TBCD: variants seen among roughly 807,000 people sequenced by gnomAD.
TBCD encodes the protein tubulin folding cofactor D.
TBCD carries 105 observed loss-of-function variants against 169.3 expected under a neutral mutation model. That is an observed-to-expected ratio of 0.62 (90% CI 0.53 to 0.73). TBCD has a LOEUF of 0.73. TBCD is among the 30% of genes least tolerant of loss of function. The pLI, the probability that TBCD is intolerant of heterozygous loss-of-function variation, is 0.00. For missense variants in TBCD, 1,444 were observed against 1,600.1 expected, an observed-to-expected ratio of 0.90 and a Z score of 1.66; for synonymous variants, 700 against 643.9, an observed-to-expected ratio of 1.09 and a Z score of -1.32.
At chr17:82,911,638 C>A in intron 22 of TBCD, 120 bp from the exon 23 acceptor site, 1 of 985,390 alleles carries the variant, frequency 1.0e-6, no homozygotes, top group Non-Finnish European at 1.6e-6. Context: ...CTCAGTAACA[C>A]ATTCAACTAG....
rs2051290109 is a variant in TBCD at position 82,809,756 on chromosome 17, G to A, written c.1197G>A (p.Val399=). ...TTCCCAGAGCCCTGGCGGATGATGT[G>A]GTCGGGTCTGTGCTGGACTGCTTCA... ...GRLPRALADD[V]VGSVLDCFSF... Residue 399 remains valine, a synonymous_variant, in exon 12 of 39, where the codon GTG becomes GTA. Coordinates refer to ENST00000355528, the MANE Select transcript of TBCD (RefSeq NM_005993.5). 6.2e-7 allele frequency: 1 copy of A among 1,613,626 alleles called. No individual in the cohort carries two copies. The highest frequency in any genetic ancestry group is 1.3e-5 in the African/African-American group (1 of 75,030).
chr17:82,799,192 C>T (rs891425056), intron 8 of TBCD, among the ~76,000 whole-genome samples: 7 of 152,132 alleles, frequency 4.6e-5, no homozygotes, highest in Non-Finnish European at 1.0e-4. Context: ...CGCCTGTAAT[C>T]CCAGCGCTTT....
In TBCD at chr17:82,937,373, T is replaced by C; in HGVS notation, c.3281+13T>C. On this transcript the variant is annotated intron_variant, in intron 35 of 38. Coordinates refer to ENST00000355528, the MANE Select transcript of TBCD (RefSeq NM_005993.5). ...CAGGCATCGCAGTGTGAGTTTCAAG[T>C]GCTGCTGGCCTTAGACGGAATGGCA... The C allele has an allele frequency of 3.1e-6, 5 of 1,613,270 alleles. No individual in the cohort carries two copies. Among genetic ancestry groups the C allele is most frequent in the Non-Finnish European group, 4.2e-6 (5 of 1,179,260 alleles).
At position 82,752,118 on chromosome 17, in the gene TBCD, AT is replaced by A; in HGVS notation, c.-75del. ...GCCTCCTTTTCATCCCTCATCCTTCATCCCTGGCTTTCGCGCTCTAGCGGAG... is the reference window on the plus strand; with the variant it reads ...GCCTCCTTTTCATCCCTCATCCTTCACCCTGGCTTTCGCGCTCTAGCGGAG... On this transcript the variant is annotated 5_prime_UTR_variant, in exon 1 of 39. Coordinates refer to ENST00000355528, the MANE Select transcript of TBCD (RefSeq NM_005993.5). 1 of 1,393,548 alleles carries A rather than the reference AT, an allele frequency of 7.2e-7. No homozygotes were observed. Among genetic ancestry groups the A allele is most frequent in the Non-Finnish European group, 9.3e-7 (1 of 1,072,400 alleles). The allele number at this position is 1,393,548 out of a possible 1,614,324, so 86.3% of individuals were successfully genotyped here.
chr17:82,784,050 G>T (rs879937033), intron 7 of TBCD, among the ~76,000 whole-genome samples: 2 of 152,116 alleles, frequency 1.3e-5, no homozygotes, highest in South Asian at 2.1e-4. Context: ...GCTTGAACCT[G>T]GGAGGCGGAG....
At chr17:82,921,361 T>A in intron 24 of TBCD, 140 bp from the exon 25 acceptor site, 1 of 705,224 alleles carries the variant, frequency 1.4e-6, no homozygotes, top group Non-Finnish European at 2.6e-6. Flanking sequence ...TGGAGAATGT[T>A]CACTTTGGCT....
chr17:82,759,483 CA>C (rs112403017), intron 2 of TBCD, among the ~76,000 whole-genome samples: 1,855 of 144,988 alleles, frequency 0.013, 33 homozygotes, highest in African/African-American at 0.043. Flanking sequence ...CAGACTGTCT[CA>C]AAAAAAAAAA....
chr17:82,781,859 G>A, intron 7 of TBCD, 138 bp downstream of exon 7: 1 of 1,382,120 alleles, frequency 7.2e-7, no homozygotes, highest in Non-Finnish European at 9.7e-7. Flanking sequence ...CCAGGGTCTT[G>A]GGCAGTTTCC....
intron 16 of TBCD, 87 bp from the exon 17 acceptor site, chr17:82,893,460 A>G (rs1046794577): frequency 9.3e-7 from 1 of 1,080,490 alleles, no homozygotes; most frequent in East Asian, 2.6e-5. Flanking sequence ...ATGAGTGTAA[A>G]TGTCTGTGGA....
At chr17:82,752,782 C>G (rs2047178495) in intron 1 of TBCD, among the ~76,000 whole-genome samples, 1 of 152,200 alleles carries the variant, frequency 6.6e-6, no homozygotes, top group Non-Finnish European at 1.5e-5. Context: ...GACTCCCAGG[C>G]TTGCCTCCAC....
intron 2 of TBCD, among the ~76,000 whole-genome samples, chr17:82,762,610 G>C (rs1262156023): frequency 6.6e-6 from 1 of 151,950 alleles, no homozygotes; most frequent in Non-Finnish European, 1.5e-5. Context: ...TTAGCCGGGT[G>C]TGGTGGCAGG....
rs1599560119 is a variant in TBCD at position 82,920,266 on chromosome 17, G to A, written c.2039-290G>A. ...CAGGGACGTCTGCAGCTCCCTGACA[G>A]GCCGGCCCGGCTTCTCTGAAGTGCA... On this transcript the variant is annotated intron_variant, in intron 23 of 38. Transcript: ENST00000355528. This position sits in a 1 kb window ranked among gnomAD's most constrained non-coding sequence, Gnocchi z 4.1. Among the ~76,000 whole-genome samples the A allele has an allele frequency of 6.6e-6, 1 of 152,378 alleles. No individual in the cohort carries two copies. The highest frequency in any genetic ancestry group is 2.1e-4 in the South Asian group (1 of 4,826).
At chr17:82,894,928 G>C (rs1280253676) in intron 17 of TBCD, among the ~76,000 whole-genome samples, 1 of 152,190 alleles carries the variant, frequency 6.6e-6, no homozygotes, top group Non-Finnish European at 1.5e-5. Flanking sequence ...AGTGAGCCGA[G>C]ATCGTGCCAC....
rs540615104 is a variant in TBCD at position 82,873,773 on chromosome 17, G to C, written c.1475+3393G>C. On this transcript the variant is annotated intron_variant, in intron 14 of 38. Coordinates refer to ENST00000355528, the MANE Select transcript of TBCD (RefSeq NM_005993.5). ...GTAGGTCCTGGTGCAGGCGGGCCCC[G>C]TGCTTCATGGAGGTTGGCGCCGCTC... 1.5e-3 allele frequency among the ~76,000 whole-genome samples: 232 copies of C among 152,298 alleles called. 1 individual carries two copies. The highest frequency in any genetic ancestry group is 5.5e-3 in the African/African-American group (227 of 41,564).
chr17:82,770,032 A>G (rs915578932), intron 5 of TBCD, among the ~76,000 whole-genome samples: 1 of 152,126 alleles, frequency 6.6e-6, no homozygotes, highest in South Asian at 2.1e-4. Flanking sequence ...ATAAAAATTA[A>G]TAACTTAGTT....
intron 13 of TBCD, among the ~76,000 whole-genome samples, chr17:82,853,594 A>G (rs1388510282): frequency 1.3e-5 from 2 of 150,318 alleles, no homozygotes; most frequent in Non-Finnish European, 3.0e-5. Flanking sequence ...TTTTGTAGAG[A>G]CGGTCTCACC....
chr17:82,876,672 T>G lies in TBCD; in HGVS notation c.1475+6292T>G, dbSNP rs1295055263. On this transcript the variant is annotated intron_variant, in intron 14 of 38. Coordinates refer to ENST00000355528, the MANE Select transcript of TBCD (RefSeq NM_005993.5). ...ATATAGTTGATTGGTCGAATTAACT[T>G]GGGAGTCTGTGTTTAGTTAAAAACA... Among the ~76,000 whole-genome samples the G allele has an allele frequency of 2.0e-5, 3 of 152,372 alleles. No homozygotes were observed. The East Asian group carries it at 5.8e-4, about 29-fold the overall frequency.
chr17:82,785,975 C>T (rs2049293259), intron 7 of TBCD, among the ~76,000 whole-genome samples: 1 of 152,212 alleles, frequency 6.6e-6, no homozygotes, highest in African/African-American at 2.4e-5. Context: ...ATGTTGGCAC[C>T]TACATGTGTG....
intron 22 of TBCD, among the ~76,000 whole-genome samples, chr17:82,910,174 G>A (rs188786237): frequency 2.3e-4 from 35 of 152,328 alleles, no homozygotes; most frequent in Admixed American, 5.9e-4. Flanking sequence ...GAGCAGCATC[G>A]CAGGGTGTGG....
Sources: allele counts gnomAD v4.1 joint callset (sites outside exome capture counted in the v4.1 genomes callset), GRCh38; gene constraint gnomAD v4.1.1; non-coding constraint Gnocchi (gnomAD v3.1); transcripts MANE v1.5; gene names NCBI Gene and HGNC (gene_info 2026-07-23, HGNC 2026-07-21).